Variants in RERG observed in about 807,000 individuals in gnomAD.
The protein encoded by RERG is RAS like estrogen regulated growth inhibitor.
RERG carries 25 observed loss-of-function variants against 23.2 expected under a neutral mutation model. The observed-to-expected ratio is 1.08, with a 90% CI of 0.79 to 1.50. The LOEUF (loss-of-function observed/expected upper bound fraction) is 1.50, where lower values mean the gene tolerates loss of function less well. Ranked by LOEUF, RERG falls within the 40% of genes most tolerant of loss-of-function variation. RERG has a pLI of 0.00. For synonymous variants in RERG, 81 were observed against 89.1 expected, an observed-to-expected ratio of 0.91 and a Z score of 0.51; for missense variants, 253 against 250.1, an observed-to-expected ratio of 1.01 and a Z score of -0.08.
intron 2 of RERG, among the ~76,000 whole-genome samples, chr12:15,124,615 A>ATGCTTAAGTATTGTTCTTAAGTTGTGATT (rs1863902646): frequency 6.6e-6 from 1 of 152,026 alleles, no homozygotes; most frequent in Non-Finnish European, 1.5e-5. Context: ...CCTCCTACAC[A>ATGCTTAAGTATTGTTCTTAAGTTGTGATT]GTTGTGATTG....
At chr12:15,112,644 T>G (rs193236581) in intron 3 of RERG, among the ~76,000 whole-genome samples, 1 of 152,328 alleles carries the variant, frequency 6.6e-6, no homozygotes, top group East Asian at 1.9e-4. Flanking sequence ...ATTGACCTGA[T>G]GAGAGTTAGG....
intron 2 of RERG, among the ~76,000 whole-genome samples, chr12:15,175,435 C>T (rs1302964659): frequency 6.9e-6 from 1 of 145,718 alleles, no homozygotes; most frequent in African/African-American, 2.5e-5. Flanking sequence ...AAACTCTACC[C>T]TAGACTTCAT....
intron 2 of RERG, among the ~76,000 whole-genome samples, chr12:15,163,632 C>T (rs992639568): frequency 2.0e-5 from 3 of 152,132 alleles, no homozygotes; most frequent in Admixed American, 1.3e-4. Flanking sequence ...AAATTATTAT[C>T]CAAAATGATG....
chr12:15,138,571 T>G (rs80266721), intron 2 of RERG, among the ~76,000 whole-genome samples: 1 of 152,148 alleles, frequency 6.6e-6, no homozygotes, highest in East Asian at 1.9e-4. Flanking sequence ...GAATTTCTAT[T>G]TACATTAACC....
Position 15,166,469 on chromosome 12 carries a change from T to C in RERG, c.62-45350A>G, listed in dbSNP as rs549694623. Among the ~76,000 whole-genome samples the C allele has an allele frequency of 4.6e-5, 7 of 151,730 alleles. No homozygotes were observed. In the South Asian group the frequency reaches 6.3e-4, roughly 14 times the overall value. On this transcript the variant is annotated intron_variant, in intron 2 of 4. Transcript: ENST00000256953. The stretch of plus-strand genomic sequence containing the variant: ...GGCACTCTGAGCTTCAGTCTCATGA[T>C]AATTGATGATGATGATGATGATGAT...
intron 2 of RERG, among the ~76,000 whole-genome samples, chr12:15,145,757 C>T (rs1864321436): frequency 6.6e-6 from 1 of 152,226 alleles, no homozygotes; most frequent in Non-Finnish European, 1.5e-5. Context: ...CAGCAGAACC[C>T]CACGGTGGCT....
At chr12:15,156,685 G>T (rs185578090) in intron 2 of RERG, among the ~76,000 whole-genome samples, 3 of 152,296 alleles carry the variant, frequency 2.0e-5, no homozygotes, top group Admixed American at 2.0e-4. Flanking sequence ...AACAAATGAT[G>T]CAAGAGCAGA....
intron 2 of RERG, among the ~76,000 whole-genome samples, chr12:15,167,763 G>T (rs1864716898): frequency 6.6e-6 from 1 of 152,016 alleles, no homozygotes; most frequent in Admixed American, 6.6e-5. Flanking sequence ...AGACTTCCCT[G>T]TTTAACATTT....
chr12:15,215,581 G>A (rs1017912171), intron 2 of RERG, among the ~76,000 whole-genome samples: 12 of 152,302 alleles, frequency 7.9e-5, no homozygotes, highest in Middle Eastern at 3.4e-3. Flanking sequence ...AGCAGTTTCA[G>A]TAGCATGGTT....
chr12:15,142,461 TTCTC>T (rs138651605), intron 2 of RERG, among the ~76,000 whole-genome samples: 7,640 of 152,254 alleles, frequency 0.05, 287 homozygotes, highest in African/African-American at 0.1. Flanking sequence ...ATTTATTTTG[TTCTC>T]TCTGTTTGGA....
chr12:15,140,879 C>T (rs1041405754), intron 2 of RERG, among the ~76,000 whole-genome samples: 2 of 151,892 alleles, frequency 1.3e-5, no homozygotes, highest in African/African-American at 2.4e-5. Flanking sequence ...CCTATGTGTA[C>T]GTGTAGCTTT....
chr12:15,207,336 T>C (rs1345220732), intron 2 of RERG, among the ~76,000 whole-genome samples: 1 of 151,988 alleles, frequency 6.6e-6, no homozygotes, highest in East Asian at 1.9e-4. Context: ...AATAAAATAA[T>C]GCTTAAGAGG....
chr12:15,177,103 A>T (rs1420976062), intron 2 of RERG, among the ~76,000 whole-genome samples: 4 of 152,254 alleles, frequency 2.6e-5, no homozygotes, highest in Admixed American at 2.0e-4. Context: ...CTTTGTCAAC[A>T]TTCAAATAAA....
intron 2 of RERG, among the ~76,000 whole-genome samples, chr12:15,215,667 T>C (rs1865430878): frequency 6.6e-6 from 1 of 152,150 alleles, no homozygotes; most frequent in African/African-American, 2.4e-5. Context: ...GAAGAACCCA[T>C]ATTCAATAAG....
chr12:15,168,277 T>G (rs997682608), intron 2 of RERG, among the ~76,000 whole-genome samples: 1 of 152,194 alleles, frequency 6.6e-6, no homozygotes, highest in Non-Finnish European at 1.5e-5. Flanking sequence ...GCTTCTTCGT[T>G]GCGGTCTGCC....
At position 15,168,537 on chromosome 12, in the gene RERG, G is replaced by C. The variant is rs1198707615; in HGVS notation, c.62-47418C>G. On this transcript the variant is annotated intron_variant, in intron 2 of 4. Coordinates refer to ENST00000256953, the MANE Select transcript of RERG (RefSeq NM_032918.3). ...CTTTGGAAATTCATAAGTCTTAAAA[G>C]AGTCAAGATCTCCTTCTTCCTGGTG... Among the ~76,000 whole-genome samples the C allele has an allele frequency of 5.9e-5, 9 of 152,298 alleles. No homozygotes were observed. In the East Asian group the frequency reaches 1.4e-3, roughly 23 times the overall value.
At chr12:15,214,499 G>A (rs78301630) in intron 2 of RERG, among the ~76,000 whole-genome samples, 10 of 152,118 alleles carry the variant, frequency 6.6e-5, no homozygotes, top group African/African-American at 2.4e-4. Flanking sequence ...AGGAGCTACC[G>A]AATTACATTC....
chr12:15,126,850 T>C (rs1407439841), intron 2 of RERG, among the ~76,000 whole-genome samples: 2 of 151,146 alleles, frequency 1.3e-5, no homozygotes, highest in African/African-American at 2.4e-5. Flanking sequence ...CCCCAGTAGC[T>C]GGGACTACAG....
rs772353150 is a variant in RERG at position 15,212,042 on chromosome 12, C to CTTTTTTT, written c.61+5380_61+5386dup. Among the ~76,000 whole-genome samples, 196 of 64,720 alleles carry CTTTTTTT rather than the reference C, an allele frequency of 3.0e-3. 9 individuals carry two copies. The highest frequency in any genetic ancestry group is 4.3e-3 in the Non-Finnish European group (141 of 32,778). 42.5% of individuals were successfully genotyped at this position (64,720 alleles called of 152,430 possible). ...ATGTGATATTAGAGCCACGAATAAA[C>CTTTTTTT]TTTTTTTTTTTTTTTTTTTTTTTTT... On this transcript the variant is annotated intron_variant, in intron 2 of 4. Transcript: ENST00000256953.
Sources: allele counts gnomAD v4.1 joint callset (sites outside exome capture counted in the v4.1 genomes callset), GRCh38; gene constraint gnomAD v4.1.1; transcripts MANE v1.5; gene names NCBI Gene and HGNC (gene_info 2026-07-23, HGNC 2026-07-21).